Variants in CDH18 observed in about 807,000 individuals in gnomAD.
CDH18 encodes cadherin 18.
A neutral mutation model predicts 67.9 loss-of-function variants in CDH18; 31 were observed. The observed-to-expected ratio is 0.46, with a 90% CI of 0.34 to 0.62. The LOEUF (loss-of-function observed/expected upper bound fraction) is 0.62. CDH18 is among the 20% of genes least tolerant of loss of function. CDH18 has a pLI of 0.01. For synonymous variants in CDH18, 362 were observed against 347.2 expected, an observed-to-expected ratio of 1.04 and a Z score of -0.48; for missense variants, 890 against 975.5, an observed-to-expected ratio of 0.91 and a Z score of 1.17.
intron 5 of CDH18, among the ~76,000 whole-genome samples, chr5:19,714,958 ATCT>A (rs1250356639): frequency 6.6e-6 from 1 of 152,034 alleles, no homozygotes. Flanking sequence ...CTATTGTGAA[ATCT>A]TCTTTATCTT....
intron 1 of CDH18, among the ~76,000 whole-genome samples, chr5:20,465,898 G>C (rs1304125608): frequency 6.6e-6 from 1 of 152,020 alleles, no homozygotes; most frequent in Non-Finnish European, 1.5e-5. Context: ...GCTTGAAGCA[G>C]TAATTTAAAA....
chr5:19,799,064 GTATCTCTTCATGATGCTGA>G (rs1777150720), intron 3 of CDH18, among the ~76,000 whole-genome samples: 1 of 151,974 alleles, frequency 6.6e-6, no homozygotes, highest in Non-Finnish European at 1.5e-5. Flanking sequence ...AGGTGTGCAG[GTATCTCTTCATGATGCTGA>G]TGTCACCATT....
At chr5:19,571,104 C>T (rs920737595) in intron 8 of CDH18, among the ~76,000 whole-genome samples, 4 of 152,180 alleles carry the variant, frequency 2.6e-5, no homozygotes, top group East Asian at 1.9e-4. Context: ...TGCATCCTCA[C>T]GATAGCTCTG....
intron 12 of CDH18, among the ~76,000 whole-genome samples, chr5:19,480,000 C>T (rs1739132177): frequency 1.3e-5 from 2 of 152,024 alleles, no homozygotes; most frequent in Admixed American, 1.3e-4. Context: ...AATAATGCAC[C>T]TCAACATGTA....
At chr5:20,499,294 G>C (rs1754100144) in intron 1 of CDH18, among the ~76,000 whole-genome samples, 1 of 152,102 alleles carries the variant, frequency 6.6e-6, no homozygotes, top group Middle Eastern at 3.4e-3. Context: ...CTATTACTTA[G>C]AATACAAACT....
rs1737706565 is a variant in CDH18 at position 19,472,196 on chromosome 5, C to G, written c.*1030G>C. Among the ~76,000 whole-genome samples, 1 of 152,114 alleles carries G rather than the reference C, an allele frequency of 6.6e-6. No homozygotes were observed. Among genetic ancestry groups the G allele is most frequent in the African/African-American group, 2.4e-5 (1 of 41,444 alleles). On this transcript the variant is annotated 3_prime_UTR_variant, in exon 13 of 13. Transcript: ENST00000382275. Reference sequence around the variant, plus strand: ...ACATTTACGTTCATTGGAGGATAGTCTTTCAGACTACATTGTTATTGTGTG... The same window carrying G: ...ACATTTACGTTCATTGGAGGATAGTGTTTCAGACTACATTGTTATTGTGTG...
chr5:20,271,924 C>CAGAGAGAGAGAGAGAGAGAG (rs201955881), intron 1 of CDH18, among the ~76,000 whole-genome samples: 26 of 146,644 alleles, frequency 1.8e-4, no homozygotes, highest in East Asian at 1.0e-3. Context: ...TGTAGAGAGG[C>CAGAGAGAGAGAGAGAGAGAG]AGAGAGAGAG....
At chr5:20,171,105 A>T (rs2126645884) in intron 2 of CDH18, among the ~76,000 whole-genome samples, 1 of 151,132 alleles carries the variant, frequency 6.6e-6, no homozygotes, top group Middle Eastern at 3.4e-3. Context: ...CATTTTCTTT[A>T]TCCAGTCTGC....
At chr5:20,345,149 C>A (rs562917091) in intron 1 of CDH18, among the ~76,000 whole-genome samples, 8 of 152,262 alleles carry the variant, frequency 5.3e-5, no homozygotes, top group Admixed American at 4.6e-4. Flanking sequence ...ACTTTCATTA[C>A]CCATGGAGTC....
chr5:19,726,222 T>A, intron 4 of CDH18, among the ~76,000 whole-genome samples: 1 of 152,176 alleles, frequency 6.6e-6, no homozygotes, highest in Admixed American at 6.5e-5. Context: ...AAGGGTAGCA[T>A]GGTGATACTG....
chr5:19,862,116 TGGA>T (rs1451391277), intron 2 of CDH18, among the ~76,000 whole-genome samples: 2 of 152,138 alleles, frequency 1.3e-5, no homozygotes, highest in South Asian at 2.1e-4. Context: ...AACATGCCCA[TGGA>T]GGAGAGCAGT....
rs1339932259 is a variant in CDH18, at chr5:20,501,629, C to T, written c.-580+73833G>A. Among the ~76,000 whole-genome samples the T allele has an allele frequency of 5.8e-5, 7 of 121,672 alleles. No homozygotes were observed. The East Asian group carries it at 1.1e-3, about 19-fold the overall frequency. The allele number at this position is 121,672 out of a possible 152,430, so 79.8% of individuals were successfully genotyped here. Reference sequence around the variant, plus strand: ...ATATATATATATGGAGATGGAGTCTCGCTCTGTGGCCCAGGCAGGAGTGCA... The same window carrying T: ...ATATATATATATGGAGATGGAGTCTTGCTCTGTGGCCCAGGCAGGAGTGCA... On this transcript the variant is annotated intron_variant, in intron 1 of 14. Coordinates refer to the CDH18 transcript ENST00000507958.
At chr5:20,464,131 A>G (rs896119851) in intron 1 of CDH18, among the ~76,000 whole-genome samples, 1 of 152,164 alleles carries the variant, frequency 6.6e-6, no homozygotes, top group African/African-American at 2.4e-5. Context: ...GCTGACACAC[A>G]CAAAAAACTC....
intron 2 of CDH18, among the ~76,000 whole-genome samples, chr5:20,250,804 C>T (rs1325678317): frequency 6.6e-6 from 1 of 151,780 alleles, no homozygotes; most frequent in Non-Finnish European, 1.5e-5. Context: ...CAGGGTTTTA[C>T]CATGTTGACC....
At chr5:19,712,928 G>C (rs976935248) in intron 5 of CDH18, among the ~76,000 whole-genome samples, 1 of 151,500 alleles carries the variant, frequency 6.6e-6, no homozygotes, top group Non-Finnish European at 1.5e-5. Flanking sequence ...AGTAATGAAA[G>C]AAAAATCAAA....
At chr5:19,881,761 C>A (rs1455163402) in intron 2 of CDH18, among the ~76,000 whole-genome samples, 2 of 152,092 alleles carry the variant, frequency 1.3e-5, no homozygotes, top group East Asian at 3.9e-4. Flanking sequence ...CCGCCTCGAC[C>A]TCCCAAAGTG....
At chr5:20,343,874 A>G (rs1243382339) in intron 1 of CDH18, among the ~76,000 whole-genome samples, 8 of 152,196 alleles carry the variant, frequency 5.3e-5, no homozygotes, top group Non-Finnish European at 1.0e-4. Context: ...GGGAAGTGGC[A>G]GTAATACATT....
intron 3 of CDH18, among the ~76,000 whole-genome samples, chr5:19,774,451 T>TAAAATAAAATAAAATAAAA (rs373224102): frequency 1.6e-3 from 13 of 7,948 alleles, no homozygotes; most frequent in South Asian, 6.3e-3. Flanking sequence ...ATAAAATAAA[T>TAAAATAAAATAAAATAAAA]AAATAAATCA....
intron 1 of CDH18, among the ~76,000 whole-genome samples, chr5:20,368,056 A>G (rs1203433740): frequency 6.6e-6 from 1 of 152,140 alleles, no homozygotes; most frequent in Non-Finnish European, 1.5e-5. Context: ...AAGGATTGAG[A>G]ATTGCTTCAC....
Sources: allele counts gnomAD v4.1 joint callset (sites outside exome capture counted in the v4.1 genomes callset), GRCh38; gene constraint gnomAD v4.1.1; transcripts MANE v1.5; gene names NCBI Gene and HGNC (gene_info 2026-07-23, HGNC 2026-07-21).